PCDH15: variants seen among roughly 807,000 people sequenced by gnomAD.
The protein encoded by PCDH15 is protocadherin related 15.
Under a neutral mutation model 178.5 loss-of-function variants are expected in PCDH15, and 129 were observed. The observed-to-expected ratio is 0.72, with a 90% CI of 0.63 to 0.84. The LOEUF (loss-of-function observed/expected upper bound fraction) is 0.84. PCDH15 is among the 40% of genes least tolerant of loss of function. PCDH15 has a pLI of 0.00. For synonymous variants in PCDH15, 800 were observed against 732.0 expected (o/e 1.09, Z -1.50); for missense variants, 2,230 against 2,099.9 (o/e 1.06, Z -1.21).
intron 2 of PCDH15, among the ~76,000 whole-genome samples, chr10:54,601,455 G>A (rs1256938089): frequency 6.6e-6 from 1 of 151,958 alleles, no homozygotes; most frequent in African/African-American, 2.4e-5. Flanking sequence ...CAACATCACT[G>A]ATCATTAGAG....
Position 55,566,358 on chromosome 10 carries a change from T to C in PCDH15, c.-156+61267A>G, listed in dbSNP as rs181213167. 4.0e-5 allele frequency among the ~76,000 whole-genome samples: 6 copies of C among 151,692 alleles called. No homozygotes were observed. The East Asian group carries it at 1.2e-3, about 29-fold the overall frequency. ...TATAAAAGTCCCATATAAAACATCA[T>C]AGTCAATCGTGAAAAACTTAAGAGT... On this transcript the variant is annotated intron_variant, in intron 2 of 5. Coordinates refer to the PCDH15 transcript ENST00000613346.
intron 3 of PCDH15, among the ~76,000 whole-genome samples, chr10:54,436,047 AGAGAAAAG>A (rs2075382459): frequency 2.2e-5 from 3 of 138,754 alleles, no homozygotes; most frequent in Admixed American, 1.4e-4. Flanking sequence ...AGAGAGAGAG[AGAGAAAAG>A]AAAGAAAGAA....
chr10:55,589,928 A>AG (rs1394374142), intron 2 of PCDH15, among the ~76,000 whole-genome samples: 1 of 147,774 alleles, frequency 6.8e-6, no homozygotes, highest in Non-Finnish European at 1.5e-5. Context: ...ATCTAGAACT[A>AG]GAAATACCAT....
Position 55,251,370 on chromosome 10 carries a change from C to A in PCDH15, c.-156+68229G>T, listed in dbSNP as rs1841831807. ...GCAATCGTACTCCACCCCATCCCCA[C>A]CCCAGTCCTAAACCATGTCAAACAG... On this transcript the variant is annotated intron_variant, in intron 1 of 5. Transcript: ENST00000458638. Among the ~76,000 whole-genome samples the A allele has an allele frequency of 5.3e-5, 8 of 152,132 alleles. No homozygotes were observed. In the South Asian group the frequency reaches 1.7e-3, roughly 32 times the overall value.
At chr10:54,677,314 A>C (rs767885553) in intron 1 of PCDH15, among the ~76,000 whole-genome samples, 11 of 152,176 alleles carry the variant, frequency 7.2e-5, no homozygotes, top group Non-Finnish European at 1.2e-4. Context: ...CAGGAGTTCA[A>C]GGTTACAGTG....
chr10:55,560,524 T>C (rs989100279), intron 2 of PCDH15, among the ~76,000 whole-genome samples: 9 of 151,912 alleles, frequency 5.9e-5, no homozygotes, highest in Non-Finnish European at 1.3e-4. Flanking sequence ...AATTCTATAC[T>C]GAAACTTAGG....
At chr10:55,140,965 T>A (rs1462790728) in intron 2 of PCDH15, among the ~76,000 whole-genome samples, 2 of 152,038 alleles carry the variant, frequency 1.3e-5, no homozygotes, top group Non-Finnish European at 2.9e-5. Context: ...ACTGGTAATT[T>A]GTGTCCTTTC....
chr10:54,996,603 A>C (rs888612942), intron 2 of PCDH15, among the ~76,000 whole-genome samples: 1 of 152,090 alleles, frequency 6.6e-6, no homozygotes, highest in East Asian at 1.9e-4. Flanking sequence ...GAATGTGTCT[A>C]TCTCATCTGA....
At chr10:55,182,416 C>CG in intron 1 of PCDH15, among the ~76,000 whole-genome samples, 1 of 151,960 alleles carries the variant, frequency 6.6e-6, no homozygotes. Context: ...ATGAATACAA[C>CG]ATATCATAGT....
At chr10:54,723,589 A>G (rs987831243) in intron 1 of PCDH15, among the ~76,000 whole-genome samples, 1 of 151,718 alleles carries the variant, frequency 6.6e-6, no homozygotes, top group South Asian at 2.1e-4. Context: ...CAAAATAAAT[A>G]ATTAACAGAT....
chr10:55,437,664 T>G (rs1839074520), intron 2 of PCDH15, among the ~76,000 whole-genome samples: 1 of 152,002 alleles, frequency 6.6e-6, no homozygotes, highest in South Asian at 2.1e-4. Context: ...AAACTAAATA[T>G]GCCATCTAAC....
At position 54,153,184 on chromosome 10, in the gene PCDH15, ATGG is replaced by A. The variant is rs1394210823; in HGVS notation, c.1697_1699del (p.Thr566del). 3 of 1,613,798 alleles carry A rather than the reference ATGG, an allele frequency of 1.9e-6. No homozygotes were observed. The highest frequency in any genetic ancestry group is 2.5e-6 in the Non-Finnish European group (3 of 1,179,894). On this transcript the variant is annotated inframe_deletion, in exon 14 of 38. Coordinates refer to ENST00000644397, the MANE Select transcript of PCDH15 (RefSeq NM_001384140.1). The stretch of plus-strand genomic sequence containing the variant: ...GACTATCATTTCCACCCCTGGAGCG[ATGG>A]TGATAAGCCCTGTTGTTTTATTGAT...
intron 3 of PCDH15, among the ~76,000 whole-genome samples, chr10:54,817,360 T>C (rs192800833): frequency 1.2e-4 from 18 of 151,998 alleles, no homozygotes; most frequent in Non-Finnish European, 2.2e-4. Flanking sequence ...GTTGAATTAT[T>C]CTAAGTTAAT....
At chr10:54,687,830 C>A (rs749151064) in intron 1 of PCDH15, among the ~76,000 whole-genome samples, 1 of 151,978 alleles carries the variant, frequency 6.6e-6, no homozygotes, top group Non-Finnish European at 1.5e-5. Flanking sequence ...GGTCCCTATA[C>A]CTATTACCAT....
intron 26 of PCDH15, among the ~76,000 whole-genome samples, chr10:53,894,933 A>C (rs2081849698): frequency 6.6e-6 from 1 of 152,196 alleles, no homozygotes; most frequent in African/African-American, 2.4e-5. Context: ...AACGTGGTTG[A>C]GCTTGGTCTC....
In PCDH15 at chr10:54,185,256, C is replaced by T; in HGVS notation, c.1318G>A (p.Glu440Lys). ...TAGTCATTCAGAAAAAGGTGAAGCT[C>T]TGGGTCTTTTGTCTTTGAAAAAAAA... ...DKDIEDTKDP[E>K]LHLFLNDYTS... is the part of the protein sequence containing the mutation. Residue 440 changes from glutamate (E) to lysine (K), a missense_variant, in exon 12 of 38, where the codon GAG (glutamate) becomes AAG (lysine). Glu to Lys is a moderately conservative substitution (Grantham distance 56). Coordinates refer to ENST00000644397, the MANE Select transcript of PCDH15 (RefSeq NM_001384140.1). 6 of 1,613,358 alleles carry T rather than the reference C, an allele frequency of 3.7e-6. No individual in the cohort carries two copies. In the South Asian group the frequency reaches 6.6e-5, roughly 18 times the overall value.
In PCDH15 at chr10:53,803,342, A is replaced by G. The variant is rs1840978199; in HGVS notation, c.*3237T>C. Reference sequence around the variant, plus strand: ...GAAAGAGAAAAATCAAAGCTCATGAAATAAAAGACAGAAAATGTCTTCCCT... The same window carrying G: ...GAAAGAGAAAAATCAAAGCTCATGAGATAAAAGACAGAAAATGTCTTCCCT... On this transcript the variant is annotated 3_prime_UTR_variant, in exon 38 of 38. Coordinates refer to ENST00000644397, the MANE Select transcript of PCDH15 (RefSeq NM_001384140.1). 6.6e-6 allele frequency: 1 copy of G among 151,972 alleles called. No homozygotes were observed. Among genetic ancestry groups the G allele is most frequent in the Non-Finnish European group, 1.5e-5 (1 of 67,880 alleles). 9.4% of individuals were successfully genotyped at this position (151,972 alleles called of 1,614,324 possible).
At chr10:55,463,871 AAGAGAG>A (rs200397760) in intron 2 of PCDH15, among the ~76,000 whole-genome samples, 1 of 122,234 alleles carries the variant, frequency 8.2e-6, no homozygotes, top group African/African-American at 2.9e-5. Context: ...AGACGAAAGA[AAGAGAG>A]AGAGAAAGAG....
At chr10:55,322,101 T>C (rs1020875007), upstream of PCDH15, among the ~76,000 whole-genome samples, 1 of 152,200 alleles carries the variant, frequency 6.6e-6, no homozygotes, top group Non-Finnish European at 1.5e-5. Flanking sequence ...GTATAGATAA[T>C]TGAATCATGG....
Sources: allele counts gnomAD v4.1 joint callset (sites outside exome capture counted in the v4.1 genomes callset), GRCh38; gene constraint gnomAD v4.1.1; transcripts MANE v1.5; gene names NCBI Gene and HGNC (gene_info 2026-07-23, HGNC 2026-07-21).